Variants in GRIK2 observed in about 807,000 individuals in gnomAD.
GRIK2 encodes the protein glutamate ionotropic receptor kainate type subunit 2.
A neutral mutation model predicts 100.3 loss-of-function variants in GRIK2; 32 were observed. That is an observed-to-expected ratio of 0.32 (90% CI 0.24 to 0.43). GRIK2 has a LOEUF of 0.43. Among genes scored for constraint, GRIK2 ranks in the 20% least tolerant of loss-of-function variants. The pLI is 1.00. For missense variants in GRIK2, 843 were observed against 1,114.9 expected (o/e 0.76, Z 3.47); for synonymous variants, 417 against 389.4 (o/e 1.07, Z -0.83).
intron 2 of GRIK2, among the ~76,000 whole-genome samples, chr6:101,501,103 T>A (rs1773724842): frequency 6.6e-6 from 1 of 152,086 alleles, no homozygotes; most frequent in Non-Finnish European, 1.5e-5. Context: ...GAGAACCAAA[T>A]CCCTTGACAA....
intron 4 of GRIK2, among the ~76,000 whole-genome samples, chr6:101,633,847 G>A (rs1367803216): frequency 6.6e-6 from 1 of 152,090 alleles, no homozygotes; most frequent in Non-Finnish European, 1.5e-5. Context: ...AAACTTAGAT[G>A]CAGTGAGTTG....
chr6:101,971,730 A>C (rs941867953), intron 14 of GRIK2, among the ~76,000 whole-genome samples: 6 of 151,720 alleles, frequency 4.0e-5, no homozygotes, highest in Non-Finnish European at 7.4e-5. Flanking sequence ...GTAGTTTTTC[A>C]CCCATTGCCT....
At chr6:101,786,257 T>A (rs1026653748) in intron 7 of GRIK2, among the ~76,000 whole-genome samples, 2 of 136,272 alleles carry the variant, frequency 1.5e-5, no homozygotes, top group African/African-American at 6.2e-5. Context: ...AAAGGGACAA[T>A]TTGACTTTTT....
At chr6:101,695,820 C>T (rs1038946160) in intron 7 of GRIK2, among the ~76,000 whole-genome samples, 2 of 151,976 alleles carry the variant, frequency 1.3e-5, no homozygotes, top group African/African-American at 2.4e-5. Flanking sequence ...GTATTACTTA[C>T]CTACATTTGG....
intron 4 of GRIK2, among the ~76,000 whole-genome samples, chr6:101,653,910 T>C (rs930417208): frequency 6.6e-6 from 1 of 152,048 alleles, no homozygotes; most frequent in Admixed American, 6.6e-5. Context: ...CATGAGCCAC[T>C]GCACCTGGCA....
At chr6:101,819,838 G>A (rs753770038) in intron 10 of GRIK2, among the ~76,000 whole-genome samples, 1 of 152,104 alleles carries the variant, frequency 6.6e-6, no homozygotes, top group Non-Finnish European at 1.5e-5. Flanking sequence ...AATGGTGACT[G>A]CTTGAACAAG....
chr6:101,407,866 A>T (rs1017356076), intron 2 of GRIK2, among the ~76,000 whole-genome samples: 1 of 152,160 alleles, frequency 6.6e-6, no homozygotes, highest in Non-Finnish European at 1.5e-5. Flanking sequence ...TTTAAATGAG[A>T]TTATTGCGGG....
At chr6:101,659,203 A>T (rs1055961920) in intron 4 of GRIK2, among the ~76,000 whole-genome samples, 1 of 152,216 alleles carries the variant, frequency 6.6e-6, no homozygotes, top group African/African-American at 2.4e-5. Context: ...AGAATAAGGA[A>T]GGGATCCAGA....
At chr6:101,942,487 G>T (rs556572592) in intron 14 of GRIK2, among the ~76,000 whole-genome samples, 1 of 152,262 alleles carries the variant, frequency 6.6e-6, no homozygotes, top group East Asian at 1.9e-4. Flanking sequence ...CTTGTTGAAT[G>T]GTTTTGACCA....
chr6:101,939,583 A>T (rs959898628), intron 14 of GRIK2, among the ~76,000 whole-genome samples: 4 of 152,136 alleles, frequency 2.6e-5, no homozygotes, highest in Non-Finnish European at 4.4e-5. Context: ...TTACTCTCTA[A>T]TCTCACTGAA....
intron 2 of GRIK2, among the ~76,000 whole-genome samples, chr6:101,604,782 T>A (rs1048810696): frequency 6.6e-6 from 1 of 152,112 alleles, no homozygotes; most frequent in African/African-American, 2.4e-5. Flanking sequence ...AAGCAAGATA[T>A]GATATCTTAT....
intron 2 of GRIK2, among the ~76,000 whole-genome samples, chr6:101,412,349 G>A (rs994958368): frequency 1.3e-5 from 2 of 151,726 alleles, no homozygotes; most frequent in Non-Finnish European, 2.9e-5. Context: ...TTGCCTCCTC[G>A]GTGAAACACA....
At chr6:101,397,182 A>G (rs533745616) in intron 1 of GRIK2, among the ~76,000 whole-genome samples, 2 of 152,214 alleles carry the variant, frequency 1.3e-5, no homozygotes, top group Non-Finnish European at 2.9e-5. Flanking sequence ...ATTAGTCACA[A>G]TAAAACATGC....
At chr6:101,457,869 A>G (rs1771092877) in intron 2 of GRIK2, among the ~76,000 whole-genome samples, 1 of 152,160 alleles carries the variant, frequency 6.6e-6, no homozygotes, top group South Asian at 2.1e-4. Context: ...GGTAAGGATC[A>G]TTCAATGTGT....
In GRIK2 at chr6:101,473,526, T is replaced by C. The variant is rs144650634; in HGVS notation, c.115+74134T>C. Among the ~76,000 whole-genome samples, 1,415 of 151,906 alleles carry C rather than the reference T, an allele frequency of 9.3e-3. 27 individuals carry two copies. Among genetic ancestry groups the C allele is most frequent in the African/African-American group, 0.032 (1,323 of 41,514 alleles). ...ATGCTTTCTTTGGTTTGACACTGTG[T>C]ATTAGGAAACACATATTTTTTCCAA... On this transcript the variant is annotated intron_variant, in intron 2 of 16. Transcript: ENST00000369134.
intron 2 of GRIK2, among the ~76,000 whole-genome samples, chr6:101,455,146 T>C (rs1473022649): frequency 6.6e-6 from 1 of 152,072 alleles, no homozygotes. Flanking sequence ...TTAGTGGGCA[T>C]GGCAGGCTGA....
At chr6:101,609,785 T>A (rs546409515) in intron 2 of GRIK2, among the ~76,000 whole-genome samples, 2 of 151,720 alleles carry the variant, frequency 1.3e-5, no homozygotes, top group East Asian at 3.9e-4. Flanking sequence ...CCATGTATGG[T>A]AATAGAAGGT....
chr6:101,770,622 C>A (rs1778340332), intron 7 of GRIK2, among the ~76,000 whole-genome samples: 1 of 152,112 alleles, frequency 6.6e-6, no homozygotes, highest in African/African-American at 2.4e-5. Flanking sequence ...GTCTATTGAC[C>A]TACCGGCTAA....
intron 2 of GRIK2, among the ~76,000 whole-genome samples, chr6:101,464,093 TG>T (rs1261195606): frequency 6.6e-6 from 1 of 152,214 alleles, no homozygotes; most frequent in Non-Finnish European, 1.5e-5. Context: ...TGCTGCATAT[TG>T]TTTTTATTAC....
Sources: gnomAD v4.1 joint callset for allele counts (sites outside exome capture counted in the v4.1 genomes callset) on GRCh38, gnomAD v4.1.1 for gene constraint, MANE v1.5 for transcripts, NCBI Gene and HGNC (gene_info 2026-07-23, HGNC 2026-07-21) for gene names.